NRXN1: variants seen among roughly 807,000 people sequenced by gnomAD.
NRXN1 encodes the protein neurexin 1.
Under a neutral mutation model 150.9 loss-of-function variants are expected in NRXN1, and 39 were observed. The ratio of observed to expected loss-of-function variants is 0.26; its 90% CI spans 0.20 to 0.34. The LOEUF is 0.34. Ranked by LOEUF, NRXN1 falls within the 10% of genes least tolerant of loss-of-function variation. NRXN1 has a pLI of 1.00. For synonymous variants in NRXN1, 924 were observed against 757.0 expected, an observed-to-expected ratio of 1.22 and a Z score of -3.62; for missense variants, 1,815 against 1,949.9, an observed-to-expected ratio of 0.93 and a Z score of 1.30.
intron 8 of NRXN1, among the ~76,000 whole-genome samples, chr2:50,583,714 T>C (rs564076504): frequency 3.3e-5 from 5 of 152,328 alleles, no homozygotes; most frequent in African/African-American, 1.2e-4. Flanking sequence ...TCACAGAATC[T>C]ATCAATTCCT....
At chr2:50,354,556 T>TAC (rs1474543644) in intron 17 of NRXN1, among the ~76,000 whole-genome samples, 58 of 81,880 alleles carry the variant, frequency 7.1e-4, no homozygotes, top group Non-Finnish European at 1.2e-3. Flanking sequence ...AGTGCATACA[T>TAC]ATATATATAT....
At chr2:50,939,388 A>G (rs1689063382) in intron 2 of NRXN1, among the ~76,000 whole-genome samples, 1 of 151,946 alleles carries the variant, frequency 6.6e-6, no homozygotes, top group South Asian at 2.1e-4. Context: ...TAGTAAATTA[A>G]ATAATTTTGT....
chr2:50,735,938 A>G (rs1311151869), intron 5 of NRXN1, among the ~76,000 whole-genome samples: 1 of 152,238 alleles, frequency 6.6e-6, no homozygotes, highest in East Asian at 1.9e-4. Context: ...ATGGGCTCTC[A>G]GACATTCACT....
intron 2 of NRXN1, among the ~76,000 whole-genome samples, chr2:50,996,058 T>C (rs1340266261): frequency 6.6e-6 from 1 of 152,068 alleles, no homozygotes; most frequent in Non-Finnish European, 1.5e-5. Context: ...TCTATGACTT[T>C]GATAATGAAG....
In NRXN1 at chr2:50,347,892, C is replaced by T; in HGVS notation, c.3365-110922G>A. 1.0e-6 allele frequency: 1 copy of T among 967,852 alleles called. No individual in the cohort carries two copies. The highest frequency in any genetic ancestry group is 1.2e-6 in the Non-Finnish European group (1 of 814,006). The allele number at this position is 967,852 out of a possible 1,614,324, so 60.0% of individuals were successfully genotyped here. On this transcript the variant is annotated intron_variant, in intron 17 of 22. Transcript: ENST00000401669. This position sits in a 1 kb window ranked among gnomAD's most constrained non-coding sequence, Gnocchi z 4.9. ...CGAGGGAGGCTGGTCTAGCTTCCCA[C>T]GAAAATCGCCCTGCTTTGCCTCTCC... is the stretch of plus-strand genomic sequence containing the variant.
At position 50,440,844 on chromosome 2, in the gene NRXN1, C is replaced by G. The variant is rs180875959; in HGVS notation, c.3364+24598G>C. On this transcript the variant is annotated intron_variant, in intron 17 of 22. Coordinates refer to ENST00000401669, the MANE Select transcript of NRXN1 (RefSeq NM_001330078.2). ...TTAAGTTCATACCCTGATTTTCTAT[C>G]TGATCAAATGAAAATTTTCATTTGT... Among the ~76,000 whole-genome samples, 417 of 152,236 alleles carry G rather than the reference C, an allele frequency of 2.7e-3. 2 individuals carry two copies. The highest frequency in any genetic ancestry group is 4.9e-3 in the Admixed American group (75 of 15,298).
At chr2:50,280,121 A>G (rs2071218627) in intron 17 of NRXN1, among the ~76,000 whole-genome samples, 1 of 151,994 alleles carries the variant, frequency 6.6e-6, no homozygotes, top group African/African-American at 2.4e-5. Context: ...TACTAAAAAT[A>G]CAAAAAAGTA....
chr2:50,693,704 A>T (rs1341248094), intron 5 of NRXN1, among the ~76,000 whole-genome samples: 1 of 152,188 alleles, frequency 6.6e-6, no homozygotes, highest in African/African-American at 2.4e-5. Flanking sequence ...TATATTACTA[A>T]CTCAACTTCA....
intron 2 of NRXN1, among the ~76,000 whole-genome samples, chr2:51,013,172 C>G (rs776092090): frequency 1.3e-5 from 2 of 151,958 alleles, no homozygotes; most frequent in African/African-American, 4.8e-5. Context: ...ATACAGGCAG[C>G]GGCTGTAACT....
chr2:50,049,100 G>A (rs1692287592), intron 21 of NRXN1, among the ~76,000 whole-genome samples: 1 of 152,112 alleles, frequency 6.6e-6, no homozygotes, highest in South Asian at 2.1e-4. Flanking sequence ...TGCTTTTCTT[G>A]CAAAGGTAAA....
At chr2:50,833,416 G>A (rs1270083987) in intron 5 of NRXN1, among the ~76,000 whole-genome samples, 3 of 152,074 alleles carry the variant, frequency 2.0e-5, no homozygotes, top group Non-Finnish European at 1.5e-5. Flanking sequence ...AATTTATCAG[G>A]TACATGGATA....
chr2:50,859,022 A>C (rs749738304), intron 5 of NRXN1, among the ~76,000 whole-genome samples: 7 of 152,164 alleles, frequency 4.6e-5, no homozygotes, highest in Admixed American at 1.3e-4. Flanking sequence ...GAGATTTTAA[A>C]GCAAATGGCA....
At chr2:50,540,499 G>A (rs2093364099) in intron 9 of NRXN1, among the ~76,000 whole-genome samples, 1 of 152,094 alleles carries the variant, frequency 6.6e-6, no homozygotes, top group Admixed American at 6.5e-5. Flanking sequence ...AAATACCTAA[G>A]AAGCGAATAA....
chr2:50,669,999 T>C (rs548431337), intron 5 of NRXN1, among the ~76,000 whole-genome samples: 42 of 151,948 alleles, frequency 2.8e-4, no homozygotes, highest in African/African-American at 9.4e-4. Flanking sequence ...TTCCAACACA[T>C]AATTTTTGTT....
chr2:50,403,981 TCA>T lies in NRXN1; in HGVS notation c.3364+61459_3364+61460del, dbSNP rs1195881978. Among the ~76,000 whole-genome samples the T allele has an allele frequency of 2.6e-5, 4 of 152,058 alleles. 1 individual carries two copies. The highest frequency in any genetic ancestry group is 5.9e-5 in the Non-Finnish European group (4 of 67,978). On this transcript the variant is annotated intron_variant, in intron 17 of 22. Transcript: ENST00000401669. ...ACTGCTATACTAGCAACACCTATGA[TCA>T]CAGTTTCTCTATAGATACAATTTTA...
intron 5 of NRXN1, among the ~76,000 whole-genome samples, chr2:50,833,359 T>A (rs543476033): frequency 6.6e-6 from 1 of 152,152 alleles, no homozygotes; most frequent in Admixed American, 6.5e-5. Flanking sequence ...AAAGCATGTA[T>A]CCAGAGAAAG....
At position 49,919,482 on chromosome 2, in the gene NRXN1, T is replaced by G. The variant is rs1002342031; in HGVS notation, c.*2462A>C. The G allele has an allele frequency of 2.6e-5, 4 of 152,064 alleles. No homozygotes were observed. The South Asian group carries it at 8.3e-4, about 31-fold the overall frequency. 9.4% of individuals were successfully genotyped at this position (152,064 alleles called of 1,614,324 possible). On this transcript the variant is annotated 3_prime_UTR_variant, in exon 23 of 23. Transcript: ENST00000401669. ...CTGCTTAAAATTACCATTATTCAATTTATTTTCTATTATATTTTAGAATCT... is the reference window on the plus strand; with the variant it reads ...CTGCTTAAAATTACCATTATTCAATGTATTTTCTATTATATTTTAGAATCT...
rs181343916 is a variant in NRXN1 at position 49,981,398 on chromosome 2, G to C, written c.4129-37607C>G. Among the ~76,000 whole-genome samples, 9 of 152,038 alleles carry C rather than the reference G, an allele frequency of 5.9e-5. No individual in the cohort carries two copies. In the East Asian group the frequency reaches 9.7e-4, roughly 16 times the overall value. ...TGGAAAAAAGGAAGAATGAAGGGGA[G>C]GGAGGGAAGAGGGAAAAGAACTAAA... On this transcript the variant is annotated intron_variant, in intron 21 of 22. Coordinates refer to ENST00000401669, the MANE Select transcript of NRXN1 (RefSeq NM_001330078.2).
At chr2:50,865,658 G>GTTTTTTTTTTTTTTTTTTGT (rs1676796818) in intron 5 of NRXN1, among the ~76,000 whole-genome samples, 1 of 41,832 alleles carries the variant, frequency 2.4e-5, no homozygotes, top group Non-Finnish European at 3.9e-5. Flanking sequence ...GCATTTGAAA[G>GTTTTTTTTTTTTTTTTTTGT]TTTTTTTTTT....
Sources: gnomAD v4.1 joint callset for allele counts (sites outside exome capture counted in the v4.1 genomes callset) on GRCh38, gnomAD v4.1.1 for gene constraint, Gnocchi (gnomAD v3.1) non-coding constraint, MANE v1.5 for transcripts, NCBI Gene and HGNC (gene_info 2026-07-23, HGNC 2026-07-21) for gene names.